The following C1orf116 variants were observed in gnomAD, a reference collection of about 807,000 sequenced individuals.
The protein encoded by C1orf116 is specifically androgen-regulated gene protein.
Under a neutral mutation model 14.1 loss-of-function variants are expected in C1orf116, and 12 were observed. That is an observed-to-expected ratio of 0.85 (90% CI 0.54 to 1.38). The LOEUF (loss-of-function observed/expected upper bound fraction) is 1.38, where lower values mean the gene tolerates loss of function less well. Among genes scored for constraint, C1orf116 ranks in the 40% most tolerant of loss-of-function variants. The pLI, the probability that C1orf116 is intolerant of heterozygous loss-of-function variation, is 0.00. For synonymous variants in C1orf116, 296 were observed against 299.0 expected, an observed-to-expected ratio of 0.99 and a Z score of 0.10; for missense variants, 797 against 747.0, an observed-to-expected ratio of 1.07 and a Z score of -0.78.
rs774179042 is a variant in C1orf116 at position 207,022,988 on chromosome 1, T to C, written c.776A>G (p.Tyr259Cys). The C allele has an allele frequency of 1.2e-6, 2 of 1,613,952 alleles. No individual in the cohort carries two copies. The highest frequency in any genetic ancestry group is 2.7e-5 in the African/African-American group (2 of 74,904). The stretch of plus-strand genomic sequence containing the variant: ...TGCAGGAGGAGGCTGGGGTTGTGTG[T>C]ACCTGGTTGAGACTGTTTCCTTGGC... ...QKAKETVSTR[Y>C]TQPQPPPAGL... Residue 259 changes from tyrosine (Y) to cysteine (C), a missense_variant, in exon 4 of 4, where the codon TAC becomes TGC. Tyr to Cys is a radical substitution (Grantham distance 194, BLOSUM62 -2). Transcript: ENST00000359470.
rs767332226 is a variant in C1orf116, at chr1:207,024,883, T to G, written c.283+4A>C. 1 of 1,609,926 alleles carries G rather than the reference T, an allele frequency of 6.2e-7. No individual in the cohort carries two copies. The highest frequency in any genetic ancestry group is 8.5e-7 in the Non-Finnish European group (1 of 1,176,658). On this transcript the variant is annotated splice_donor_region_variant and intron_variant, in intron 3 of 3. Transcript: ENST00000359470. ...GGGGTTCCACCCCAGAGGGTCTGCCTTACCCCGGGGAGTGGGTTGGGTTAT... is the reference window on the plus strand; with the variant it reads ...GGGGTTCCACCCCAGAGGGTCTGCCGTACCCCGGGGAGTGGGTTGGGTTAT...
chr1:207,031,571 A>G (rs1019957123), intron 1 of C1orf116, among the ~76,000 whole-genome samples: 4 of 152,202 alleles, frequency 2.6e-5, no homozygotes, highest in Admixed American at 1.3e-4. Flanking sequence ...CAGGAGGAAA[A>G]GAGTCAAAGT....
rs772874675 is a variant in C1orf116, at chr1:207,022,698, G to GC, written c.1065dup (p.Leu356AlafsTer7). On this transcript the variant is annotated frameshift_variant, in exon 4 of 4. Coordinates refer to ENST00000359470, the MANE Select transcript of C1orf116 (RefSeq NM_023938.6). LOFTEE classifies it low-confidence loss of function (END_TRUNC). Reference sequence around the variant, plus strand: ...CCAGGCTCATCTTGATCCTGGGGTAGCCCCAGCTTCTCTAGAGCTTCTTTA... The same window carrying GC: ...CCAGGCTCATCTTGATCCTGGGGTAGCCCCCAGCTTCTCTAGAGCTTCTTTA... 2.3e-5 allele frequency: 37 copies of GC among 1,614,098 alleles called. No homozygotes were observed. Among genetic ancestry groups the GC allele is most frequent in the Non-Finnish European group, 3.1e-5 (37 of 1,180,030 alleles).
chr1:207,021,751 C>T lies in C1orf116; in HGVS notation c.*207G>A. 2.2e-6 allele frequency: 1 copy of T among 464,064 alleles called. No individual in the cohort carries two copies. The highest frequency in any genetic ancestry group is 3.3e-5 in the East Asian group (1 of 30,268). 28.7% of individuals were successfully genotyped at this position (464,064 alleles called of 1,614,324 possible). On this transcript the variant is annotated 3_prime_UTR_variant, in exon 4 of 4. Coordinates refer to ENST00000359470, the MANE Select transcript of C1orf116 (RefSeq NM_023938.6). ...CCCCTCCACACACACACCAAACACACACACACACACCCTCTTGTGGAGATC... is the reference window on the plus strand; with the variant it reads ...CCCCTCCACACACACACCAAACACATACACACACACCCTCTTGTGGAGATC...
chr1:207,028,938 T>C (rs1023416492), intron 1 of C1orf116, among the ~76,000 whole-genome samples: 1 of 152,248 alleles, frequency 6.6e-6, no homozygotes, highest in Non-Finnish European at 1.5e-5. Context: ...TTCTTTCATC[T>C]TTCCAACCCT....
intron 3 of C1orf116, among the ~76,000 whole-genome samples, chr1:207,024,633 A>G (rs1408107065): frequency 6.6e-6 from 1 of 152,134 alleles, no homozygotes; most frequent in Non-Finnish European, 1.5e-5. Context: ...GGAGAATGGG[A>G]GCTGGTCAAA....
At position 207,023,082 on chromosome 1, in the gene C1orf116, G is replaced by A; in HGVS notation, c.682C>T (p.Pro228Ser). ...PEGPGQQGHT[P>S]QLHTPSSSQE... ...GAGCTGGATGGTGTGTGGAGCTGGG[G>A]TGTGTGGCCCTGCTGTCCTGGCCCC... The change falls in exon 4 of 4, where the codon CCC (proline) becomes TCC (serine). Residue 228 changes from proline to serine, a missense_variant. Coordinates refer to ENST00000359470, the MANE Select transcript of C1orf116 (RefSeq NM_023938.6). The A allele has an allele frequency of 6.2e-7, 1 of 1,612,182 alleles. No homozygotes were observed. Among genetic ancestry groups the A allele is most frequent in the Non-Finnish European group, 8.5e-7 (1 of 1,179,782 alleles).
Position 207,023,478 on chromosome 1 carries a change from C to T in C1orf116, c.286G>A (p.Gly96Ser). ...TGCTGAGTGATGGTCTCCTCTGGAC[C>T]TCCTGTGAGGGTCAGAAAGAACATA... is the stretch of plus-strand genomic sequence containing the variant. Reference protein sequence around the residue: ...LPITQPTPRGGPEETITQQGR... With the variant: ...LPITQPTPRGSPEETITQQGR... The change falls in exon 4 of 4, where the codon GGT becomes AGT. Residue 96 changes from glycine to serine, a missense_variant and splice_region_variant. Coordinates refer to ENST00000359470, the MANE Select transcript of C1orf116 (RefSeq NM_023938.6). 6.2e-7 allele frequency: 1 copy of T among 1,603,542 alleles called. No homozygotes were observed. Among genetic ancestry groups the T allele is most frequent in the South Asian group, 1.1e-5 (1 of 89,562 alleles).
chr1:207,023,121 C>A lies in C1orf116; in HGVS notation c.643G>T (p.Ala215Ser). 1 of 1,612,362 alleles carries A rather than the reference C, an allele frequency of 6.2e-7. No homozygotes were observed. The highest frequency in any genetic ancestry group is 8.5e-7 in the Non-Finnish European group (1 of 1,179,728). The change falls in exon 4 of 4, where the codon GCC becomes TCC. Residue 215 changes from alanine to serine, a missense_variant. Ala to Ser is a moderately conservative substitution (Grantham distance 99). Coordinates refer to ENST00000359470, the MANE Select transcript of C1orf116 (RefSeq NM_023938.6). Reference sequence around the variant, plus strand: ...TGTCCTGGCCCCTCGGGCAGGCTGGCTTCCCTACACTGCTCTGGCTGGGTG... The same window carrying A: ...TGTCCTGGCCCCTCGGGCAGGCTGGATTCCCTACACTGCTCTGGCTGGGTG... ...RDTQPEQCREASLPEGPGQQG... is the reference protein window; with the variant it reads ...RDTQPEQCRESSLPEGPGQQG...
chr1:207,022,056 G>T lies in C1orf116; in HGVS notation c.1708C>A (p.Pro570Thr), dbSNP rs781554923. 1 of 1,606,866 alleles carries T rather than the reference G, an allele frequency of 6.2e-7. No homozygotes were observed. Among genetic ancestry groups the T allele is most frequent in the Non-Finnish European group, 8.5e-7 (1 of 1,176,736 alleles). Residue 570 changes from proline to threonine, a missense_variant, in exon 4 of 4, where the codon CCT becomes ACT. Coordinates refer to ENST00000359470, the MANE Select transcript of C1orf116 (RefSeq NM_023938.6). ...SYQGQSRDKLPRPPCVSVKIS... is the reference protein window; with the variant it reads ...SYQGQSRDKLTRPPCVSVKIS... The stretch of plus-strand genomic sequence containing the variant: ...TTGACACTGACACAGGGGGGGCGAG[G>T]AAGCTTGTCACGGCTCTGTCCTTGG...
rs1463211761 is a variant in C1orf116 at position 207,027,515 on chromosome 1, GC to G, written c.83del (p.Ser28ThrfsTer61). 6.2e-7 allele frequency: 1 copy of G among 1,613,796 alleles called. No individual in the cohort carries two copies. Among genetic ancestry groups the G allele is most frequent in the Non-Finnish European group, 8.5e-7 (1 of 1,180,032 alleles). On this transcript the variant is annotated frameshift_variant, in exon 2 of 4. Coordinates refer to ENST00000359470, the MANE Select transcript of C1orf116 (RefSeq NM_023938.6). LOFTEE classifies it high-confidence loss of function. ...RVGSCDSMMS[S>X]TSTRSGSSDS... ...GTACAGATCCAGAGCGGGTGGAGGT[GC>G]TGCTCATCATGCTGTCACAGCTGCC... is the stretch of plus-strand genomic sequence containing the variant.
intron 3 of C1orf116, 99 bp downstream of exon 3, chr1:207,024,788 A>T: frequency 1.4e-6 from 2 of 1,396,136 alleles, no homozygotes; most frequent in Non-Finnish European, 2.0e-6. Flanking sequence ...TCTGCCTGTG[A>T]CCCTTGGGGT....
chr1:207,025,918 T>C (rs1392426003), intron 2 of C1orf116, among the ~76,000 whole-genome samples: 1 of 152,184 alleles, frequency 6.6e-6, no homozygotes, highest in Non-Finnish European at 1.5e-5. Flanking sequence ...ATAGAGGTTT[T>C]TGGAAGAAAA....
chr1:207,027,452 G>A (rs1370123025), intron 2 of C1orf116, 42 bp downstream of exon 2: 17 of 1,610,930 alleles, frequency 1.1e-5, no homozygotes, highest in Non-Finnish European at 1.4e-5. Context: ...GGGCAGGTGT[G>A]CAGAGAGCAG....
Position 207,022,657 on chromosome 1 carries a change from C to T in C1orf116, c.1107G>A (p.Lys369=). 6.2e-7 allele frequency: 1 copy of T among 1,614,012 alleles called. No individual in the cohort carries two copies. Among genetic ancestry groups the T allele is most frequent in the Non-Finnish European group, 8.5e-7 (1 of 1,180,014 alleles). ...DQDEPGLHLS[K]PTSSIRPKET... ...CCTTGGGTCTGATGGAGCTGGTGGG[C>T]TTACTTAAGTGGAGTCCAGGCTCAT... The change falls in exon 4 of 4, where the codon AAG becomes AAA. Residue 369 remains lysine (K), a synonymous_variant. Transcript: ENST00000359470.
chr1:207,022,785 C>T lies in C1orf116; in HGVS notation c.979G>A (p.Glu327Lys). ...AGGCCAGAATCTCCAGGGGCAGCCT[C>T]AGTGTGGCGGGACAGCCAGTGCTGG... ...DPQHWLSRHT[E>K]AAPGDSGLIS... is the part of the protein sequence containing the mutation. Residue 327 changes from glutamate (E) to lysine (K), a missense_variant, in exon 4 of 4, where the codon GAG becomes AAG. Glu to Lys is a moderately conservative substitution (Grantham distance 56, BLOSUM62 1). Transcript: ENST00000359470. The T allele has an allele frequency of 6.2e-7, 1 of 1,614,178 alleles. No homozygotes were observed. Among genetic ancestry groups the T allele is most frequent in the African/African-American group, 1.3e-5 (1 of 75,058 alleles).
At position 207,032,609 on chromosome 1, in the gene C1orf116, A is replaced by ATG. The variant is rs1682281266; in HGVS notation, c.-113_-112insCA. 1.0e-6 allele frequency: 1 copy of ATG among 985,326 alleles called. No homozygotes were observed. Among genetic ancestry groups the ATG allele is most frequent in the South Asian group, 4.7e-5 (1 of 21,294 alleles). The allele number at this position is 985,326 out of a possible 1,614,324, so 61.0% of individuals were successfully genotyped here. A position where few individuals can be genotyped will look rare whatever the true frequency, so the allele number is the denominator to read the frequency against. ...CTGGGTTGGGGGCTGAAGAGAGAAA[A>ATG]GAAATACCCTTTTGTTTCAAAGGGC... On this transcript the variant is annotated 5_prime_UTR_variant, in exon 1 of 4. Transcript: ENST00000359470.
rs1482181717 is a variant in C1orf116, at chr1:207,020,472, T to G, written c.*1486A>C. On this transcript the variant is annotated 3_prime_UTR_variant, in exon 4 of 4. Coordinates refer to ENST00000359470, the MANE Select transcript of C1orf116 (RefSeq NM_023938.6). ...ACTCCAAGCAGTTCACAACCATAAG[T>G]AAGATTTACTTCCTAAGGGGAAGCA... The G allele has an allele frequency of 1.3e-5, 2 of 152,138 alleles. No homozygotes were observed. The highest frequency in any genetic ancestry group is 3.9e-4 in the East Asian group (2 of 5,168). The allele number at this position is 152,138 out of a possible 1,614,324, so 9.4% of individuals were successfully genotyped here. A position where few individuals can be genotyped will look rare whatever the true frequency, so the allele number is the denominator to read the frequency against.
At chr1:207,024,017 A>G (rs950141533) in intron 3 of C1orf116, among the ~76,000 whole-genome samples, 6 of 152,218 alleles carry the variant, frequency 3.9e-5, no homozygotes, top group African/African-American at 1.4e-4. Context: ...AAGCCTCTGA[A>G]TAAGTGATTT....
Sources: gnomAD v4.1 joint callset for allele counts (sites outside exome capture counted in the v4.1 genomes callset) on GRCh38, gnomAD v4.1.1 for gene constraint, MANE v1.5 for transcripts, NCBI Gene and HGNC (gene_info 2026-07-23, HGNC 2026-07-21) for gene names.